The following YES1 variants were observed in gnomAD, a reference collection of about 807,000 sequenced individuals.
YES1 encodes the protein YES proto-oncogene 1, Src family tyrosine kinase, also known as tyrosine-protein kinase Yes.
In YES1, 39 loss-of-function variants were observed where a neutral mutation model predicts 70.4. The ratio of observed to expected loss-of-function variants is 0.55; its 90% confidence interval spans 0.43 to 0.72. The LOEUF is 0.72. Ranked by LOEUF, YES1 falls within the 30% of genes least tolerant of loss-of-function variation. The pLI is 0.00. For missense variants in YES1, 495 were observed against 644.8 expected, an observed-to-expected ratio of 0.77 and a Z score of 2.52; for synonymous variants, 198 against 218.6, an observed-to-expected ratio of 0.91 and a Z score of 0.83.
intron 1 of YES1, among the ~76,000 whole-genome samples, chr18:778,773 A>G (rs1214929494): frequency 6.6e-6 from 1 of 152,196 alleles, no homozygotes; most frequent in Non-Finnish European, 1.5e-5. Context: ...CCTTAAGCAT[A>G]AAGCACAAAG....
intron 3 of YES1, 51 bp from the exon 4 acceptor site, chr18:748,069 A>ACAAGATAGCACTG: frequency 2.0e-6 from 3 of 1,489,098 alleles, no homozygotes; most frequent in Non-Finnish European, 2.8e-6. Flanking sequence ...TGCCCAAGGT[A>ACAAGATAGCACTG]CAATATATTG....
intron 8 of YES1, among the ~76,000 whole-genome samples, chr18:740,751 G>A (rs1162025439): frequency 1.3e-5 from 2 of 152,150 alleles, no homozygotes; most frequent in Non-Finnish European, 2.9e-5. Flanking sequence ...CTCCCGCCTG[G>A]AAATAATTGT....
intron 9 of YES1, chr18:738,275 T>C (rs530786204): frequency 2.6e-4 from 39 of 152,278 alleles, no homozygotes; most frequent in African/African-American, 9.1e-4. Context: ...ACCTACCACA[T>C]ATCTGAAGAG....
chr18:749,518 A>C (rs186657024), intron 3 of YES1, among the ~76,000 whole-genome samples: 3 of 151,050 alleles, frequency 2.0e-5, no homozygotes, highest in Admixed American at 2.0e-4. Flanking sequence ...AAAGCAAAAC[A>C]AAAAAACCCC....
chr18:805,446 G>C (rs1907051645), intron 1 of YES1, among the ~76,000 whole-genome samples: 1 of 152,190 alleles, frequency 6.6e-6, no homozygotes, highest in Admixed American at 6.5e-5. Context: ...GGCAGAGCAT[G>C]ACTATATTGT....
chr18:730,367 C>T (rs1471334415), intron 11 of YES1, among the ~76,000 whole-genome samples: 1 of 141,652 alleles, frequency 7.1e-6, no homozygotes, highest in East Asian at 2.2e-4. Flanking sequence ...TTTTTTGAGA[C>T]AGGGTCTTGC....
At chr18:751,908 T>C (rs1598906142) in intron 2 of YES1, 104 bp from the exon 3 acceptor site, 1 of 743,902 alleles carries the variant, frequency 1.3e-6, no homozygotes, top group Non-Finnish European at 2.3e-6. Flanking sequence ...AGGATAGTTT[T>C]TTCTGTAGTC....
At chr18:726,780 T>TAA in intron 11 of YES1, among the ~76,000 whole-genome samples, 1 of 19,514 alleles carries the variant, frequency 5.1e-5, no homozygotes, top group Non-Finnish European at 1.1e-4. Context: ...GACTCTTGTC[T>TAA]CAAAAAAAAA....
At chr18:782,803 T>C (rs1158526734) in intron 1 of YES1, among the ~76,000 whole-genome samples, 1 of 152,208 alleles carries the variant, frequency 6.6e-6, no homozygotes, top group Non-Finnish European at 1.5e-5. Context: ...CAAGTGATTC[T>C]TGTGCCTCAG....
In YES1 at chr18:742,946, A is replaced by T. The variant is rs1383237317; in HGVS notation, c.1032T>A (p.Ile344=). Residue 344 remains isoleucine, a synonymous_variant, in exon 8 of 12, where the codon ATT becomes ATA. Coordinates refer to ENST00000314574, the MANE Select transcript of YES1 (RefSeq NM_005433.4). ...PLYAVVSEEP[I]YIVTEFMSKG... ...TTGACATAAATTCAGTGACAATGTA[A>T]ATTGGTTCTTCAGAAACAACAGCAT... 1 of 1,599,038 alleles carries T rather than the reference A, an allele frequency of 6.3e-7. No individual in the cohort carries two copies. The highest frequency in any genetic ancestry group is 1.1e-5 in the South Asian group (1 of 86,980).
intron 1 of YES1, among the ~76,000 whole-genome samples, chr18:787,017 T>C (rs1056657341): frequency 2.0e-5 from 3 of 149,964 alleles, no homozygotes; most frequent in East Asian, 1.9e-4. Flanking sequence ...ACTGACTATA[T>C]ATGAATATTG....
Position 736,959 on chromosome 18 carries a change from A to C in YES1, c.1140T>G (p.Ile380Met). Residue 380 changes from isoleucine (I) to methionine (M), a missense_variant and splice_region_variant, in exon 10 of 12, where the codon ATT becomes ATG. Physicochemically the swap from Ile to Met is conservative, Grantham distance 10. This residue lies in a region of YES1 where 385 missense variants were observed against 540.9 expected (regional missense o/e 0.71). Coordinates refer to ENST00000314574, the MANE Select transcript of YES1 (RefSeq NM_005433.4). The part of the protein sequence containing the change: ...LPQLVDMAAQ[I>M]ADGMAYIERM... ...TTTCAATATATGCCATACCATCAGC[A>C]ATCTTGGAAAGAGAAAAACAAAAAA... is the stretch of plus-strand genomic sequence containing the variant. 7 of 1,602,700 alleles carry C rather than the reference A, an allele frequency of 4.4e-6. No individual in the cohort carries two copies. Among genetic ancestry groups the C allele is most frequent in the Non-Finnish European group, 5.9e-6 (7 of 1,177,956 alleles).
At position 731,566 on chromosome 18, in the gene YES1, T is replaced by A. The variant is rs577387204; in HGVS notation, c.1423+1268A>T. ...ATTTTATATGCTTTCACTCTCAACA[T>A]TAGGATACTTCAGTACAAGAGTTTA... On this transcript the variant is annotated intron_variant, in intron 11 of 11. Transcript: ENST00000314574. Among the ~76,000 whole-genome samples the A allele has an allele frequency of 2.0e-5, 3 of 152,326 alleles. No individual in the cohort carries two copies. The South Asian group carries it at 6.2e-4, about 32-fold the overall frequency.
At chr18:751,556 G>T in intron 3 of YES1, 149 bp downstream of exon 3, 1 of 572,644 alleles carries the variant, frequency 1.7e-6, no homozygotes, top group Admixed American at 3.3e-5. Flanking sequence ...GTTGCAACAT[G>T]CATCTATAGA....
rs919319285 is a variant in YES1 at position 723,248 on chromosome 18, T to C, written c.*1176A>G. On this transcript the variant is annotated 3_prime_UTR_variant, in exon 12 of 12. Transcript: ENST00000314574. ...ATACCCATTTAGTGTGTAAGAAAAA[T>C]TAGTTTTATAGTTATACTTTATAAC... 2.0e-5 allele frequency: 3 copies of C among 152,594 alleles called. No individual in the cohort carries two copies. The highest frequency in any genetic ancestry group is 4.1e-4 in the South Asian group (2 of 4,822). The allele number at this position is 152,594 out of a possible 1,614,324, so 9.5% of individuals were successfully genotyped here.
At position 727,619 on chromosome 18, in the gene YES1, T is replaced by C. The variant is rs116506649; in HGVS notation, c.1424-2987A>G. Among the ~76,000 whole-genome samples, 1,070 of 152,268 alleles carry C rather than the reference T, an allele frequency of 7.0e-3. 11 individuals carry two copies. The highest frequency in any genetic ancestry group is 0.024 in the African/African-American group (996 of 41,528). On this transcript the variant is annotated intron_variant, in intron 11 of 11. Coordinates refer to ENST00000314574, the MANE Select transcript of YES1 (RefSeq NM_005433.4). ...TCTCTTGTTATTTTAGTAGTTATCA[T>C]TGAGACTACAATATGCTTCCTTGGT...
intron 11 of YES1, among the ~76,000 whole-genome samples, chr18:726,982 T>C (rs1164252762): frequency 1.3e-5 from 2 of 152,108 alleles, no homozygotes; most frequent in Non-Finnish European, 2.9e-5. Context: ...CGGTCCACGC[T>C]ACATGTGGAA....
rs35217977 is a variant in YES1, at chr18:785,778, GA to G, written c.-9+26335del. Among the ~76,000 whole-genome samples, 352 of 135,354 alleles carry G rather than the reference GA, an allele frequency of 2.6e-3. 2 individuals are homozygous for G. Among genetic ancestry groups the G allele is most frequent in the African/African-American group, 2.4e-3 (89 of 36,328 alleles). The allele number at this position is 135,354 out of a possible 152,430, so 88.8% of individuals were successfully genotyped here. On this transcript the variant is annotated intron_variant, in intron 1 of 11. Coordinates refer to ENST00000314574, the MANE Select transcript of YES1 (RefSeq NM_005433.4). ...CAGTGAGACCTTGTCTCTACAAAAG[GA>G]AAAAAAAAAAAAAGCCAGGCGCTGT...
chr18:723,862 T>C lies in YES1; in HGVS notation c.*562A>G, dbSNP rs1398752001. On this transcript the variant is annotated 3_prime_UTR_variant, in exon 12 of 12. Transcript: ENST00000314574. ...AATCAAGTTTGAGATCCTGTTTATA[T>C]TCCTTTTGAAAAACCTGGCCCATGT... 1 of 153,798 alleles carries C rather than the reference T, an allele frequency of 6.5e-6. No individual in the cohort carries two copies. The highest frequency in any genetic ancestry group is 1.5e-5 in the Non-Finnish European group (1 of 68,836). 9.5% of individuals were successfully genotyped at this position (153,798 alleles called of 1,614,324 possible).
Sources: allele counts gnomAD v4.1 joint callset (sites outside exome capture counted in the v4.1 genomes callset), GRCh38; gene constraint gnomAD v4.1.1; regional missense constraint gnomAD v4.1.1; transcripts MANE v1.5; gene names NCBI Gene and HGNC (gene_info 2026-07-23, HGNC 2026-07-21).